Variants in RHOBTB2 observed in about 807,000 individuals in gnomAD.
RHOBTB2 encodes the protein Rho related BTB domain containing 2, also known as rho-related BTB domain-containing protein 2.
A neutral mutation model predicts 66.5 loss-of-function variants in RHOBTB2; 39 were observed. The ratio of observed to expected loss-of-function variants is 0.59; its 90% CI spans 0.45 to 0.77. RHOBTB2 has a LOEUF of 0.77. Ranked by LOEUF, RHOBTB2 falls within the 30% of genes least tolerant of loss-of-function variation. The pLI is 0.00. For missense variants in RHOBTB2, 755 were observed against 999.1 expected, an observed-to-expected ratio of 0.76 and a Z score of 3.29; for synonymous variants, 390 against 395.0, an observed-to-expected ratio of 0.99 and a Z score of 0.15.
At position 23,019,892 on chromosome 8, in the gene RHOBTB2, A is replaced by G. The variant is rs1425005307; in HGVS notation, c.*2423A>G. 1 of 207,308 alleles carries G rather than the reference A, an allele frequency of 4.8e-6. No homozygotes were observed. Among genetic ancestry groups the G allele is most frequent in the African/African-American group, 2.3e-5 (1 of 42,648 alleles). The allele number at this position is 207,308 out of a possible 1,614,324, so 12.8% of individuals were successfully genotyped here. On this transcript the variant is annotated 3_prime_UTR_variant, in exon 10 of 10. Coordinates refer to ENST00000251822, the MANE Select transcript of RHOBTB2 (RefSeq NM_015178.3). ...GGCCAACATTGGTGTCCCTGTCCCC[A>G]GAGGGAGGAGCAGGCAGGAGAGAGA...
In RHOBTB2 at chr8:23,007,514, G is replaced by A. The variant is rs371489921; in HGVS notation, c.1269G>A (p.Pro423=). Residue 423 remains proline (P), a synonymous_variant, in exon 5 of 10, where the codon CCG becomes CCA. Coordinates refer to ENST00000251822, the MANE Select transcript of RHOBTB2 (RefSeq NM_015178.3). ...TGAAGATGGACAGTTCCATCCAGCC[G>A]GGGCCCTTCCGGGCTGTCCTCAAGT... The part of the protein sequence containing the change: ...VVVKMDSSIQ[P]GPFRAVLKYL... 3.7e-5 allele frequency: 59 copies of A among 1,613,774 alleles called. No homozygotes were observed. The highest frequency in any genetic ancestry group is 1.6e-4 in the Middle Eastern group (1 of 6,084).
chr8:23,005,369 C>A lies in RHOBTB2; in HGVS notation c.193-3C>A. The A allele has an allele frequency of 6.2e-7, 1 of 1,611,544 alleles. No homozygotes were observed. Among genetic ancestry groups the A allele is most frequent in the South Asian group, 1.1e-5 (1 of 91,008 alleles). On this transcript the variant is annotated splice_polypyrimidine_tract_variant and splice_region_variant and intron_variant, in intron 2 of 9. Transcript: ENST00000251822. Reference sequence around the variant, plus strand: ...GAGTCCCACTCTTCCTCCCCGTCCCCAGGTGCTGGAACGCTCCCGAGACGT... The same window carrying A: ...GAGTCCCACTCTTCCTCCCCGTCCCAAGGTGCTGGAACGCTCCCGAGACGT...
intron 3 of RHOBTB2, 91 bp from the exon 4 acceptor site, chr8:23,005,869 G>A: frequency 8.3e-7 from 1 of 1,206,314 alleles, no homozygotes; most frequent in Non-Finnish European, 1.2e-6. Flanking sequence ...CCAGGTGTGG[G>A]ACTGTACAGG....
At chr8:22,955,899 G>A in the RHOBTB2 span, among the ~76,000 whole-genome samples, 24,580 of 151,960 alleles carry the variant, frequency 0.16, 2,527 homozygotes, top group East Asian at 0.41. Context: ...CCCACTCTGC[G>A]CTGGGTATAG....
At chr8:22,999,399 C>A (rs1810684721), upstream of RHOBTB2, among the ~76,000 whole-genome samples, 1 of 151,788 alleles carries the variant, frequency 6.6e-6, no homozygotes, top group Admixed American at 6.6e-5. Flanking sequence ...CTCCCCGCGG[C>A]GTCGCTGCGG....
Position 23,019,138 on chromosome 8 carries a change from T to G in RHOBTB2, c.*1669T>G, listed in dbSNP as rs564088445. ...CAGGAGTCGCCTTACCTGAGAGAGA[T>G]GTTCTAGCTGAGAGGGCCTGGCCCT... On this transcript the variant is annotated 3_prime_UTR_variant, in exon 10 of 10. Coordinates refer to ENST00000251822, the MANE Select transcript of RHOBTB2 (RefSeq NM_015178.3). 2 of 152,226 alleles carry G rather than the reference T, an allele frequency of 1.3e-5. No individual in the cohort carries two copies. Among genetic ancestry groups the G allele is most frequent in the East Asian group, 1.9e-4 (1 of 5,164 alleles). 9.4% of individuals were successfully genotyped at this position (152,226 alleles called of 1,614,324 possible). A position where few individuals can be genotyped will look rare whatever the true frequency, so the allele number is the denominator to read the frequency against.
intron 1 of RHOBTB2, among the ~76,000 whole-genome samples, chr8:23,000,911 A>C (rs1265083042): frequency 6.6e-6 from 1 of 151,550 alleles, no homozygotes; most frequent in Non-Finnish European, 1.5e-5. Flanking sequence ...CTTGACAACC[A>C]GACTAGGGCA....
the RHOBTB2 span, among the ~76,000 whole-genome samples, chr8:22,964,784 TTTTATTTATTTA>T: frequency 0.019 from 2,782 of 144,384 alleles, 35 homozygotes; most frequent in South Asian, 0.041. Flanking sequence ...ATTAGCTTTA[TTTTATTTATTTA>T]TTTATTTATT....
chr8:22,995,237 C>G (rs1285862186), upstream of RHOBTB2, among the ~76,000 whole-genome samples: 1 of 152,178 alleles, frequency 6.6e-6, no homozygotes, highest in Non-Finnish European at 1.5e-5. Flanking sequence ...CCGGCCTGAA[C>G]AAGCATTATA....
At chr8:22,993,214 C>T (rs962425025) in intron 2 of RHOBTB2, among the ~76,000 whole-genome samples, 13 of 152,046 alleles carry the variant, frequency 8.6e-5, no homozygotes, top group African/African-American at 2.4e-4. Context: ...AGCTGCAGTA[C>T]GGTGGTACGA....
chr8:23,002,984 A>G (rs1342067294), intron 1 of RHOBTB2, among the ~76,000 whole-genome samples: 2 of 152,228 alleles, frequency 1.3e-5, no homozygotes, highest in African/African-American at 2.4e-5. Context: ...CCCAGCAGGA[A>G]TGGAGCCTCC....
chr8:23,007,775 G>T (rs1443284042), intron 5 of RHOBTB2, 29 bp downstream of exon 5: 2 of 1,604,346 alleles, frequency 1.2e-6, no homozygotes, highest in Non-Finnish European at 1.7e-6. Flanking sequence ...AAGCAAGGGG[G>T]TTCTGCATTG....
At chr8:22,997,444 AGCGGG>A (rs1024873967), upstream of RHOBTB2, among the ~76,000 whole-genome samples, 18 of 152,034 alleles carry the variant, frequency 1.2e-4, no homozygotes, top group Non-Finnish European at 2.5e-4. Flanking sequence ...ACTGAGTGTG[AGCGGG>A]GCGGGGCGGG....
rs145356409 is a variant in RHOBTB2, at chr8:22,989,738, T to C, written c.-137+2175T>C. Reference sequence around the variant, plus strand: ...ACTGCAAACTAGCCGTGACTTTGCGTAGGCCTCAGTTTGCTCATCTGTAAG... The same window carrying C: ...ACTGCAAACTAGCCGTGACTTTGCGCAGGCCTCAGTTTGCTCATCTGTAAG... On this transcript the variant is annotated intron_variant, in intron 1 of 11. Coordinates refer to the RHOBTB2 transcript ENST00000519685. Among the ~76,000 whole-genome samples, 6 of 152,372 alleles carry C rather than the reference T, an allele frequency of 3.9e-5. No homozygotes were observed. The East Asian group carries it at 1.2e-3, about 29-fold the overall frequency.
intron 1 of RHOBTB2, chr8:23,003,994 T>C: frequency 3.8e-6 from 1 of 263,262 alleles, no homozygotes; most frequent in Non-Finnish European, 7.5e-6. Flanking sequence ...TGGGAAGGGG[T>C]GGGGACGTGG....
At chr8:22,969,214 G>T in the RHOBTB2 span, among the ~76,000 whole-genome samples, 6 of 152,150 alleles carry the variant, frequency 3.9e-5, no homozygotes, top group African/African-American at 1.4e-4. Flanking sequence ...CAGCTCTTGT[G>T]TGACTTATTC....
rs535634413 is a variant in RHOBTB2, at chr8:23,019,793, T to G, written c.*2324T>G. ...CCCAACTTCAGGGACCCACCGCCCA[T>G]TCCCCGAGAGCTGTCGGAACCAGAT... is the stretch of plus-strand genomic sequence containing the variant. On this transcript the variant is annotated 3_prime_UTR_variant, in exon 10 of 10. Coordinates refer to ENST00000251822, the MANE Select transcript of RHOBTB2 (RefSeq NM_015178.3). 1 of 162,156 alleles carries G rather than the reference T, an allele frequency of 6.2e-6. No individual in the cohort carries two copies. Among genetic ancestry groups the G allele is most frequent in the African/African-American group, 2.4e-5 (1 of 41,590 alleles). 10.0% of individuals were successfully genotyped at this position (162,156 alleles called of 1,614,324 possible).
chr8:23,007,644 A>G lies in RHOBTB2; in HGVS notation c.1399A>G (p.Ile467Val). Residue 467 changes from isoleucine to valine, a missense_variant, in exon 5 of 10, where the codon ATT becomes GTT. Coordinates refer to ENST00000251822, the MANE Select transcript of RHOBTB2 (RefSeq NM_015178.3). ...VFDLRMMVAN[I>V]LNNEAFMNQE... ...TGATCTGCGCATGATGGTGGCCAAC[A>G]TTCTCAACAATGAGGCCTTCATGAA... is the stretch of plus-strand genomic sequence containing the variant. 2.5e-6 allele frequency: 4 copies of G among 1,614,168 alleles called. No individual in the cohort carries two copies. Among genetic ancestry groups the G allele is most frequent in the Non-Finnish European group, 3.4e-6 (4 of 1,180,032 alleles).
At chr8:22,998,848 T>A (rs1810656436), upstream of RHOBTB2, 1 of 150,480 alleles carries the variant, frequency 6.6e-6, no homozygotes, top group African/African-American at 2.4e-5. Flanking sequence ...TACAGAGGGG[T>A]AAATTGAGGC....
Sources: allele counts gnomAD v4.1 joint callset (sites outside exome capture counted in the v4.1 genomes callset), GRCh38; gene constraint gnomAD v4.1.1; transcripts MANE v1.5; gene names NCBI Gene and HGNC (gene_info 2026-07-23, HGNC 2026-07-21).